LRRC28: variants seen among roughly 807,000 people sequenced by gnomAD.
LRRC28 encodes the protein leucine rich repeat containing 28.
LRRC28 carries 39 observed loss-of-function variants against 45.7 expected under a neutral mutation model. The ratio of observed to expected loss-of-function variants is 0.85; its 90% CI spans 0.66 to 1.12. LRRC28 has a LOEUF of 1.12. LRRC28 is among the 50% of genes most tolerant of loss of function. The pLI, the probability that LRRC28 is intolerant of heterozygous loss-of-function variation, is 0.00. For missense variants in LRRC28, 435 were observed against 438.5 expected (o/e 0.99, Z 0.07); for synonymous variants, 206 against 178.8 (o/e 1.15, Z -1.22).
At chr15:99,382,063 G>T (rs1488958255) in intron 9 of LRRC28, among the ~76,000 whole-genome samples, 1 of 152,246 alleles carries the variant, frequency 6.6e-6, no homozygotes, top group Non-Finnish European at 1.5e-5. Context: ...AAAGCTGTCA[G>T]ACAGGGACAT....
At chr15:99,372,063 G>C (rs1367657240) in intron 9 of LRRC28, among the ~76,000 whole-genome samples, 2 of 152,146 alleles carry the variant, frequency 1.3e-5, no homozygotes, top group African/African-American at 4.8e-5. Context: ...AAGTTAATAT[G>C]TACACAAGCT....
In LRRC28 at chr15:99,386,261, C is replaced by T. The variant is rs1172271547; in HGVS notation, c.*159C>T. 4.3e-5 allele frequency: 26 copies of T among 605,702 alleles called. No individual in the cohort carries two copies. The highest frequency in any genetic ancestry group is 1.3e-4 in the East Asian group (5 of 37,882). The allele number at this position is 605,702 out of a possible 1,614,324, so 37.5% of individuals were successfully genotyped here. A position where few individuals can be genotyped will look rare whatever the true frequency, so the allele number is the denominator to read the frequency against. On this transcript the variant is annotated 3_prime_UTR_variant, in exon 10 of 10. Coordinates refer to ENST00000301981, the MANE Select transcript of LRRC28 (RefSeq NM_144598.5). The stretch of plus-strand genomic sequence containing the variant: ...CAGAGCTAAAATGCCTTCACCCTTC[C>T]CCCAAGTTGGAATATATCCTCCCCC...
chr15:99,341,123 C>G (rs1223362421), intron 6 of LRRC28, among the ~76,000 whole-genome samples: 1 of 137,690 alleles, frequency 7.3e-6, no homozygotes, highest in African/African-American at 2.7e-5. Flanking sequence ...TGGAGTCTCG[C>G]TCTGTCACCC....
At chr15:99,283,395 C>CCT (rs2081864075) in intron 3 of LRRC28, among the ~76,000 whole-genome samples, 1 of 149,514 alleles carries the variant, frequency 6.7e-6, no homozygotes, top group Non-Finnish European at 1.5e-5. Context: ...GGGTGGATCA[C>CCT]GAGGTCAGGA....
At position 99,271,559 on chromosome 15, in the gene LRRC28, G is replaced by C. The variant is rs553191954; in HGVS notation, c.169-5017G>C. ...CTCAAAGTGCTGGAATTACAGGCGT[G>C]AGCCACCGCATCCAGCCCTATTTTT... On this transcript the variant is annotated intron_variant, in intron 2 of 9. Coordinates refer to ENST00000301981, the MANE Select transcript of LRRC28 (RefSeq NM_144598.5). 3.3e-5 allele frequency among the ~76,000 whole-genome samples: 5 copies of C among 152,128 alleles called. No homozygotes were observed. The South Asian group carries it at 8.3e-4, about 25-fold the overall frequency.
chr15:99,343,097 T>C (rs1382388113), intron 6 of LRRC28, among the ~76,000 whole-genome samples: 1 of 152,238 alleles, frequency 6.6e-6, no homozygotes. Context: ...ATTTAAAGCA[T>C]TGTAATTATG....
intron 6 of LRRC28, among the ~76,000 whole-genome samples, chr15:99,345,870 AAACAGAAGCTC>A (rs1347803747): frequency 1.3e-5 from 2 of 152,240 alleles, no homozygotes; most frequent in African/African-American, 4.8e-5. Flanking sequence ...ACATATGAGC[AAACAGAAGCTC>A]TGCTCACATG....
At chr15:99,277,609 C>G (rs538077906) in intron 3 of LRRC28, among the ~76,000 whole-genome samples, 2 of 152,176 alleles carry the variant, frequency 1.3e-5, no homozygotes, top group African/African-American at 4.8e-5. Flanking sequence ...AAGTAGATGT[C>G]TGAATTTACT....
chr15:99,290,212 T>C (rs75326962), intron 5 of LRRC28, among the ~76,000 whole-genome samples: 29,318 of 150,192 alleles, frequency 0.2, 2,940 homozygotes, highest in Admixed American at 0.26. Context: ...TGAGCCGAGA[T>C]TGCACCACTG....
intron 9 of LRRC28, among the ~76,000 whole-genome samples, chr15:99,380,385 G>T (rs1035799511): frequency 5.8e-4 from 88 of 152,012 alleles, no homozygotes; most frequent in African/African-American, 2.1e-3. Context: ...TTTTCCATTT[G>T]CTTGGTAGAT....
Position 99,279,679 on chromosome 15 carries a change from C to T in LRRC28, c.209+3063C>T, listed in dbSNP as rs566413263. 5.3e-5 allele frequency among the ~76,000 whole-genome samples: 8 copies of T among 152,272 alleles called. No individual in the cohort carries two copies. The East Asian group carries it at 1.5e-3, about 29-fold the overall frequency. ...TAGAGCAAGCGAAAATACCATGAAG[C>T]CTACAACCCACGGTTCTTACTGACG... is the stretch of plus-strand genomic sequence containing the variant. On this transcript the variant is annotated intron_variant, in intron 3 of 9. Transcript: ENST00000301981.
chr15:99,318,184 CA>C (rs1955665049), intron 5 of LRRC28, among the ~76,000 whole-genome samples: 1 of 152,094 alleles, frequency 6.6e-6, no homozygotes, highest in African/African-American at 2.4e-5. Flanking sequence ...AGACCCTCAG[CA>C]ATATAGATTT....
chr15:99,310,365 G>T (rs1369189549), intron 5 of LRRC28, among the ~76,000 whole-genome samples: 1 of 152,198 alleles, frequency 6.6e-6, no homozygotes, highest in Non-Finnish European at 1.5e-5. Context: ...AATTTCTAAT[G>T]AAATATCTTG....
rs2082341439 is a variant in LRRC28, at chr15:99,299,390, C to T, written c.385+11439C>T. Among the ~76,000 whole-genome samples the T allele has an allele frequency of 2.0e-5, 3 of 152,010 alleles. No homozygotes were observed. The South Asian group carries it at 6.2e-4, about 32-fold the overall frequency. On this transcript the variant is annotated intron_variant, in intron 5 of 9. Coordinates refer to ENST00000301981, the MANE Select transcript of LRRC28 (RefSeq NM_144598.5). ...AATTGTGAAGAAAAAGTAATAAAGA[C>T]AATATATCTACATGTATTATGTAGA...
intron 3 of LRRC28, among the ~76,000 whole-genome samples, chr15:99,279,152 T>C (rs1452627148): frequency 6.6e-6 from 1 of 152,258 alleles, no homozygotes; most frequent in Non-Finnish European, 1.5e-5. Context: ...AATGAGACAA[T>C]ATGTGACCTT....
chr15:99,316,268 A>G (rs1024871603), intron 5 of LRRC28, among the ~76,000 whole-genome samples: 16 of 152,214 alleles, frequency 1.1e-4, no homozygotes, highest in African/African-American at 3.6e-4. Flanking sequence ...TCTTAATGAA[A>G]GTGAATACAA....
chr15:99,333,774 T>G, intron 5 of LRRC28, 149 bp from the exon 6 acceptor site: 1 of 793,374 alleles, frequency 1.3e-6, no homozygotes, highest in Non-Finnish European at 2.0e-6. Flanking sequence ...ATTTGCATTT[T>G]CACCAAAAAT....
intron 5 of LRRC28, among the ~76,000 whole-genome samples, chr15:99,292,412 CG>C (rs2082146788): frequency 7.0e-6 from 1 of 142,550 alleles, no homozygotes; most frequent in African/African-American, 2.6e-5. Flanking sequence ...GGCCGGACTG[CG>C]GACTGCAGTG....
Position 99,280,991 on chromosome 15 carries a change from A to G in LRRC28, c.209+4375A>G, listed in dbSNP as rs1367157765. On this transcript the variant is annotated intron_variant, in intron 3 of 9. Transcript: ENST00000301981. ...TCTTCTTCAGTGTCTAATGTACTAT[A>G]CTAATCCCACTCAGTGAAGTTTTCT... is the stretch of plus-strand genomic sequence containing the variant. 2.0e-5 allele frequency among the ~76,000 whole-genome samples: 3 copies of G among 150,726 alleles called. 1 individual carries two copies. The highest frequency in any genetic ancestry group is 7.3e-5 in the African/African-American group (3 of 41,146).
Sources: gnomAD v4.1 joint callset for allele counts (sites outside exome capture counted in the v4.1 genomes callset) on GRCh38, gnomAD v4.1.1 for gene constraint, MANE v1.5 for transcripts, NCBI Gene and HGNC (gene_info 2026-07-23, HGNC 2026-07-21) for gene names.